Variants in TTN observed in about 807,000 individuals in gnomAD.
TTN encodes connectin.
A neutral mutation model predicts 3,223.0 loss-of-function variants in TTN; 1,525 were observed. That is an observed-to-expected ratio of 0.47 (90% CI 0.45 to 0.49). The LOEUF (loss-of-function observed/expected upper bound fraction) is 0.49, where lower values mean the gene tolerates loss of function less well. Ranked by LOEUF, TTN falls within the 20% of genes least tolerant of loss-of-function variation. TTN has a pLI of 0.00. For missense variants in TTN, 40,786 were observed against 43,424.0 expected (o/e 0.94, Z 5.40); for synonymous variants, 14,094 against 15,161.0 (o/e 0.93, Z 5.17).
chr2:178,579,421 T>G, intron 319 of TTN, 28 bp from the exon 320 acceptor site: 1 of 1,553,508 alleles, frequency 6.4e-7, no homozygotes, highest in Non-Finnish European at 8.6e-7. Flanking sequence ...TAAATTACTG[T>G]TATTTTTAAG....
Position 178,567,104 on chromosome 2 carries a change from G to A in TTN, c.79028C>T (p.Thr26343Ile), listed in dbSNP as rs765936549. The A allele has an allele frequency of 4.2e-5, 68 of 1,613,388 alleles. No individual in the cohort carries two copies. Among genetic ancestry groups the A allele is most frequent in the Non-Finnish European group, 5.7e-5 (67 of 1,179,608 alleles). ...GAGTTTGGTAACTTTCAGAGAATTG[G>A]TCACAACTTCTGAAGCAACAACAGT... ...AWTVVASEVV[T>I]NSLKVTKLLE... is the part of the protein sequence containing the mutation. Residue 26343 changes from threonine to isoleucine, a missense_variant, in exon 326 of 363, where the codon ACC becomes ATC. Transcript: ENST00000589042.
chr2:178,587,085 G>A (rs775375219), intron 307 of TTN, 33 bp downstream of exon 307: 1 of 1,610,322 alleles, frequency 6.2e-7, no homozygotes, highest in Admixed American at 1.7e-5. Flanking sequence ...TAGGAGACTG[G>A]GGTTAAAAGG....
intron 117 of TTN, 98 bp downstream of exon 117, chr2:178,694,501 G>A (rs1406443856): frequency 1.1e-5 from 9 of 785,186 alleles, no homozygotes; most frequent in Admixed American, 6.6e-5. Flanking sequence ...GTTTTTGGTC[G>A]TTTCAGATTT....
In TTN at chr2:178,747,664, A is replaced by T. The variant is rs571426289; in HGVS notation, c.11311+5460T>A. On this transcript the variant is annotated intron_variant, in intron 47 of 362. Transcript: ENST00000589042. ...TAGTTTCAGGAACCTCACGCTTTCC[A>T]GCAGCAAGTAAATATTGTGTTAGGG... 3.1e-6 allele frequency: 5 copies of T among 1,613,228 alleles called. No homozygotes were observed. The East Asian group carries it at 1.1e-4, about 36-fold the overall frequency.
rs2056630981 is a variant in TTN at position 178,613,034 on chromosome 2, C to T, written c.49687G>A (p.Val16563Ile). ...TTCAACCTTACTGATGTTTTGCCTA[C>T]ATCTTTTACAGTTGGTTTTCCAGGG... ...WPPGKPTVKD[V>I]GKTSVRLNWT... is the part of the protein sequence containing the mutation. The change falls in exon 265 of 363, where the codon GTA becomes ATA. Residue 16563 changes from valine to isoleucine, a missense_variant. Val to Ile is a conservative substitution (Grantham distance 29, BLOSUM62 3). Coordinates refer to ENST00000589042, the MANE Select transcript of TTN (RefSeq NM_001267550.2). 6.2e-7 allele frequency: 1 copy of T among 1,612,736 alleles called. No individual in the cohort carries two copies.
chr2:178,758,301 G>A (rs186998078), intron 44 of TTN, among the ~76,000 whole-genome samples: 2 of 152,218 alleles, frequency 1.3e-5, no homozygotes, highest in African/African-American at 2.4e-5. Flanking sequence ...GAAAAAAATA[G>A]TTTCTCTAAA....
intron 34 of TTN, 26 bp downstream of exon 34, chr2:178,771,185 A>G (rs1053269557): frequency 8.1e-6 from 13 of 1,613,494 alleles, no homozygotes; most frequent in Non-Finnish European, 1.1e-5. Context: ...ATATGATTTG[A>G]AAAGGACAAA....
At chr2:178,677,126 TA>T in intron 147 of TTN, 74 bp downstream of exon 147, 2 of 1,005,934 alleles carry the variant, frequency 2.0e-6, no homozygotes, top group East Asian at 3.8e-5. Flanking sequence ...ATAATTTTCC[TA>T]AAACCCAGTT....
chr2:178,569,243 C>G lies in TTN; in HGVS notation c.76889G>C (p.Gly25630Ala). 1.2e-6 allele frequency: 2 copies of G among 1,602,970 alleles called. No homozygotes were observed. The change falls in exon 326 of 363, where the codon GGA (glycine) becomes GCA (alanine). Residue 25630 changes from glycine (G) to alanine (A), a missense_variant. Transcript: ENST00000589042. ...AACAATGTAATTTTTTATTTTGGAT[C>G]CCCCATCCAACAAAGGAGGTTCCCA... ...ITWEPPLLDG[G>A]SKIKNYIVEK...
chr2:178,588,788 C>G lies in TTN; in HGVS notation c.62937G>C (p.Glu20979Asp). ...PPEVTKVSKE[E>D]MTVVWNPPEY... Reference sequence around the variant, plus strand: ...CAGGTGGATTCCAAACCACAGTCATCTCTTCTTTGCTTACTTTAGTGACTT... The same window carrying G: ...CAGGTGGATTCCAAACCACAGTCATGTCTTCTTTGCTTACTTTAGTGACTT... The change falls in exon 304 of 363, where the codon GAG becomes GAC. Residue 20979 changes from glutamate to aspartate, a missense_variant. Physicochemically the swap from Glu to Asp is conservative, Grantham distance 45. Coordinates refer to ENST00000589042, the MANE Select transcript of TTN (RefSeq NM_001267550.2). 3 of 1,613,272 alleles carry G rather than the reference C, an allele frequency of 1.9e-6. No individual in the cohort carries two copies. Among genetic ancestry groups the G allele is most frequent in the Non-Finnish European group, 1.7e-6 (2 of 1,179,564 alleles).
At position 178,605,636 on chromosome 2, in the gene TTN, G is replaced by A. The variant is rs771307468; in HGVS notation, c.53659C>T (p.Arg17887Cys). 1 of 1,611,624 alleles carries A rather than the reference G, an allele frequency of 6.2e-7. No homozygotes were observed. The highest frequency in any genetic ancestry group is 1.7e-5 in the Admixed American group (1 of 59,910). The change falls in exon 279 of 363, where the codon CGC becomes TGC. Residue 17887 changes from arginine to cysteine, a missense_variant. Transcript: ENST00000589042. Reference protein sequence around the residue: ...STITLDWKEPRSNGGSPIQGY... With the variant: ...STITLDWKEPCSNGGSPIQGY... Reference sequence around the variant, plus strand: ...TGGATGGGACTGCCACCATTACTGCGGGGCTCTTTCCAGTCAAGTGTGATA... The same window carrying A: ...TGGATGGGACTGCCACCATTACTGCAGGGCTCTTTCCAGTCAAGTGTGATA...
intron 11 of TTN, 71 bp downstream of exon 11, chr2:178,790,637 T>C: frequency 3.7e-6 from 6 of 1,609,698 alleles, no homozygotes; most frequent in South Asian, 2.2e-5. Context: ...TTAAGATCCA[T>C]GATGAAAATG....
chr2:178,554,049 T>C lies in TTN; in HGVS notation c.89062A>G (p.Ile29688Val), dbSNP rs748577989. ...LGWFKVLKET[I>V]RDTRQKVTGL... Reference sequence around the variant, plus strand: ...GTTACTTTTTGTCTGGTGTCACGGATAGTCTCTTTTAGTACTTTAAACCAT... The same window carrying C: ...GTTACTTTTTGTCTGGTGTCACGGACAGTCTCTTTTAGTACTTTAAACCAT... Residue 29688 changes from isoleucine to valine, a missense_variant, in exon 333 of 363, where the codon ATC becomes GTC. Coordinates refer to ENST00000589042, the MANE Select transcript of TTN (RefSeq NM_001267550.2). The C allele has an allele frequency of 1.2e-6, 2 of 1,613,750 alleles. No individual in the cohort carries two copies. Among genetic ancestry groups the C allele is most frequent in the Non-Finnish European group, 1.7e-6 (2 of 1,179,828 alleles).
intron 15 of TTN, 71 bp from the exon 16 acceptor site, chr2:178,784,422 T>TCTGA: frequency 6.3e-7 from 1 of 1,575,576 alleles, no homozygotes; most frequent in East Asian, 2.3e-5. Context: ...TTGGACTGAG[T>TCTGA]CTGAGCCTAT....
rs377188547 is a variant in TTN, at chr2:178,582,959, G to A, written c.65844C>T (p.Thr21948=). ...AGTTACCTAACACTTTAAGCTTAATGGTGGCTGATTTAGAACCACTTGAAT... is the reference window on the plus strand; with the variant it reads ...AGTTACCTAACACTTTAAGCTTAATAGTGGCTGATTTAGAACCACTTGAAT... ...AENSSGSKSA[T]IKLKVLDKPG... is the part of the protein sequence containing the mutation. Residue 21948 remains threonine, a synonymous_variant, in exon 313 of 363, where the codon ACC becomes ACT. Transcript: ENST00000589042. 2 of 1,537,152 alleles carry A rather than the reference G, an allele frequency of 1.3e-6. No individual in the cohort carries two copies. Among genetic ancestry groups the A allele is most frequent in the Non-Finnish European group, 1.8e-6 (2 of 1,140,464 alleles).
Position 178,546,255 on chromosome 2 carries a change from A to G in TTN, c.95076T>C (p.Asn31692=). The G allele has an allele frequency of 1.2e-6, 2 of 1,613,430 alleles. No individual in the cohort carries two copies. Among genetic ancestry groups the G allele is most frequent in the Non-Finnish European group, 1.7e-6 (2 of 1,179,418 alleles). ...DSGKYTLTVK[N]ASGTKAVSVM... is the part of the protein sequence containing the mutation. The stretch of plus-strand genomic sequence containing the variant: ...CAGACACGGCCTTGGTCCCGCTGGC[A>G]TTTTTCACTGTTAAAGTGTATTTTC... The change falls in exon 342 of 363, where the codon AAT becomes AAC. Residue 31692 remains asparagine (N), a synonymous_variant. Coordinates refer to ENST00000589042, the MANE Select transcript of TTN (RefSeq NM_001267550.2).
At position 178,621,473 on chromosome 2, in the gene TTN, A is replaced by C; in HGVS notation, c.45349+2T>G. ...AAAGATTATTCACTGTAGTTTTCAT[A>C]CCATGTACTTTGACTTTGCCATCGG... is the stretch of plus-strand genomic sequence containing the variant. On this transcript the variant is annotated splice_donor_variant, in intron 245 of 362. Transcript: ENST00000589042. LOFTEE classifies it high-confidence loss of function. 6.2e-7 allele frequency: 1 copy of C among 1,612,126 alleles called. No individual in the cohort carries two copies. Among genetic ancestry groups the C allele is most frequent in the Non-Finnish European group, 8.5e-7 (1 of 1,178,972 alleles).
At chr2:178,768,526 T>C (rs2090929041) in intron 38 of TTN, 147 bp downstream of exon 38, 3 of 1,204,136 alleles carry the variant, frequency 2.5e-6, no homozygotes, top group African/African-American at 1.5e-5. Context: ...TGTTGTAGCA[T>C]ATCGTAGTGC....
In TTN at chr2:178,651,919, A is replaced by G. The variant is rs762713897; in HGVS notation, c.39344T>C (p.Val13115Ala). The G allele has an allele frequency of 8.7e-6, 14 of 1,610,200 alleles. No individual in the cohort carries two copies. The highest frequency in any genetic ancestry group is 1.2e-5 in the Non-Finnish European group (14 of 1,178,332). The change falls in exon 205 of 363, where the codon GTT becomes GCT. Residue 13115 changes from valine to alanine, a missense_variant. Transcript: ENST00000589042. Reference sequence around the variant, plus strand: ...CGCCGCTGGCTCTGGCTCTTCCACAACTTCAGCAGGAGGCTCTTCTAGGGC... The same window carrying G: ...CGCCGCTGGCTCTGGCTCTTCCACAGCTTCAGCAGGAGGCTCTTCTAGGGC... The part of the protein sequence containing the change: ...EVALEEPPAE[V>A]VEEPEPAAPP...
Sources: gnomAD v4.1 joint callset for allele counts (sites outside exome capture counted in the v4.1 genomes callset) on GRCh38, gnomAD v4.1.1 for gene constraint, MANE v1.5 for transcripts, NCBI Gene and HGNC (gene_info 2026-07-23, HGNC 2026-07-21) for gene names.